Variants in CNTN4 observed in about 807,000 individuals in gnomAD.
The protein encoded by CNTN4 is contactin-4.
A neutral mutation model predicts 122.5 loss-of-function variants in CNTN4; 77 were observed. That is an observed-to-expected ratio of 0.63 (90% CI 0.52 to 0.76). The LOEUF (loss-of-function observed/expected upper bound fraction) is 0.76. CNTN4 is among the 30% of genes least tolerant of loss of function. The pLI is 0.00. For missense variants in CNTN4, 1,256 were observed against 1,259.1 expected (o/e 1.00, Z 0.04); for synonymous variants, 512 against 447.0 (o/e 1.15, Z -1.83).
At chr3:2,605,182 C>G (rs1179340456) in intron 4 of CNTN4, among the ~76,000 whole-genome samples, 1 of 152,096 alleles carries the variant, frequency 6.6e-6, no homozygotes, top group Non-Finnish European at 1.5e-5. Flanking sequence ...ATTTTATTTT[C>G]TTAGGGACAA....
At chr3:2,377,760 G>A (rs960600829) in intron 3 of CNTN4, among the ~76,000 whole-genome samples, 3 of 138,694 alleles carry the variant, frequency 2.2e-5, no homozygotes, top group Non-Finnish European at 4.6e-5. Flanking sequence ...CTTAAAACAT[G>A]ATTTTTTTGT....
chr3:2,910,969 T>A (rs1461224942), intron 12 of CNTN4, among the ~76,000 whole-genome samples: 1 of 152,190 alleles, frequency 6.6e-6, no homozygotes, highest in East Asian at 1.9e-4. Flanking sequence ...GAAAAATTTA[T>A]GGCACTCGCT....
At chr3:3,009,931 C>T (rs1206683784) in intron 14 of CNTN4, among the ~76,000 whole-genome samples, 2 of 151,284 alleles carry the variant, frequency 1.3e-5, no homozygotes, top group East Asian at 1.9e-4. Context: ...ATTAATATTT[C>T]GGTGTTTCCT....
At chr3:2,995,962 A>G (rs1695495897) in intron 14 of CNTN4, among the ~76,000 whole-genome samples, 1 of 152,214 alleles carries the variant, frequency 6.6e-6, no homozygotes, top group Admixed American at 6.5e-5. Flanking sequence ...AAAAGAAAAT[A>G]CAAGGAAATT....
rs538044148 is a variant in CNTN4 at position 2,326,252 on chromosome 3, G to C, written c.-144-12926G>C. On this transcript the variant is annotated intron_variant, in intron 2 of 24. Coordinates refer to ENST00000418658, the MANE Select transcript of CNTN4 (RefSeq NM_175607.3). ...CTACTACCTTTGAACTGGGACATTG[G>C]CTTTTTTCCTGCATTCAGATTGAAA... Among the ~76,000 whole-genome samples the C allele has an allele frequency of 2.0e-5, 3 of 152,216 alleles. No individual in the cohort carries two copies. The East Asian group carries it at 5.8e-4, about 29-fold the overall frequency.
At chr3:2,939,985 G>A (rs1651162094) in intron 13 of CNTN4, among the ~76,000 whole-genome samples, 2 of 152,234 alleles carry the variant, frequency 1.3e-5, no homozygotes, top group African/African-American at 2.4e-5. Flanking sequence ...GAGCCACTGT[G>A]GTAAACATTG....
At chr3:2,983,198 A>C (rs1445852807) in intron 13 of CNTN4, among the ~76,000 whole-genome samples, 1 of 117,258 alleles carries the variant, frequency 8.5e-6, no homozygotes, top group African/African-American at 3.3e-5. Context: ...TGGGTGACAG[A>C]GCGAGACTCC....
At chr3:2,174,166 T>G (rs370796999) in intron 2 of CNTN4, among the ~76,000 whole-genome samples, 1 of 152,198 alleles carries the variant, frequency 6.6e-6, no homozygotes, top group African/African-American at 2.4e-5. Flanking sequence ...CAACTTGGTT[T>G]CTGCAGAATG....
intron 6 of CNTN4, among the ~76,000 whole-genome samples, chr3:2,795,928 C>T (rs554162829): frequency 1.3e-5 from 2 of 152,272 alleles, no homozygotes; most frequent in South Asian, 4.1e-4. Context: ...GTAATCTTTT[C>T]ATTACACCTA....
chr3:2,878,593 T>TGTGTGTGTGTGTGTG (rs2093873320), intron 8 of CNTN4, among the ~76,000 whole-genome samples: 1 of 104,846 alleles, frequency 9.5e-6, no homozygotes, highest in Non-Finnish European at 2.2e-5. Flanking sequence ...GTGTGTGTCT[T>TGTGTGTGTGTGTGTG]TCTGTCTGTC....
At chr3:2,489,640 T>C (rs2076258430) in intron 3 of CNTN4, among the ~76,000 whole-genome samples, 1 of 152,226 alleles carries the variant, frequency 6.6e-6, no homozygotes, top group African/African-American at 2.4e-5. Context: ...AAAATAATGC[T>C]AGTCATACCA....
chr3:2,490,877 T>G (rs2076296021), intron 3 of CNTN4, among the ~76,000 whole-genome samples: 1 of 152,178 alleles, frequency 6.6e-6, no homozygotes, highest in Non-Finnish European at 1.5e-5. Flanking sequence ...CAGAAATTAT[T>G]TCTTAGTTTC....
chr3:2,294,024 T>C (rs1033928879), intron 2 of CNTN4, among the ~76,000 whole-genome samples: 6 of 152,172 alleles, frequency 3.9e-5, no homozygotes, highest in Non-Finnish European at 7.3e-5. Context: ...CTTCAGTTAG[T>C]GGAAGCATTT....
At chr3:2,249,392 A>G (rs1040723745) in intron 2 of CNTN4, among the ~76,000 whole-genome samples, 1 of 152,000 alleles carries the variant, frequency 6.6e-6, no homozygotes, top group Admixed American at 6.6e-5. Flanking sequence ...CTGAAATAGG[A>G]TAATACACCA....
chr3:2,336,486 A>G (rs1029041070), intron 2 of CNTN4, among the ~76,000 whole-genome samples: 1 of 152,096 alleles, frequency 6.6e-6, no homozygotes, highest in Non-Finnish European at 1.5e-5. Flanking sequence ...TTCATTGCTC[A>G]CTTATTTGTC....
chr3:2,821,684 A>G (rs909276484), intron 7 of CNTN4, among the ~76,000 whole-genome samples: 24 of 152,240 alleles, frequency 1.6e-4, no homozygotes, highest in Admixed American at 1.4e-3. Flanking sequence ...AAAGGCAAAT[A>G]TAACTGCACA....
chr3:2,331,373 G>C (rs547892834), intron 2 of CNTN4, among the ~76,000 whole-genome samples: 8 of 152,128 alleles, frequency 5.3e-5, no homozygotes, highest in Non-Finnish European at 1.2e-4. Flanking sequence ...CTCAGAGTAG[G>C]TGTCTATATT....
chr3:2,422,152 TTAACCACATC>T (rs1480701312), intron 3 of CNTN4, among the ~76,000 whole-genome samples: 1 of 152,220 alleles, frequency 6.6e-6, no homozygotes, highest in African/African-American at 2.4e-5. Flanking sequence ...GAGAGGGGTT[TTAACCACATC>T]TAGAGCACTG....
chr3:2,503,956 C>G (rs1346214190), intron 3 of CNTN4, among the ~76,000 whole-genome samples: 4 of 151,742 alleles, frequency 2.6e-5, no homozygotes, highest in Non-Finnish European at 1.5e-5. Flanking sequence ...GTGTTTAGAT[C>G]TCTATTTTGA....
Sources: allele counts gnomAD v4.1 joint callset (sites outside exome capture counted in the v4.1 genomes callset), GRCh38; gene constraint gnomAD v4.1.1; transcripts MANE v1.5; gene names NCBI Gene and HGNC (gene_info 2026-07-23, HGNC 2026-07-21).